Variants in TSHZ3 observed in about 807,000 individuals in gnomAD.
TSHZ3 encodes the protein teashirt zinc finger homeobox 3, also known as teashirt homolog 3.
Under a neutral mutation model 64.5 loss-of-function variants are expected in TSHZ3, and 10 were observed. That is an observed-to-expected ratio of 0.16 (90% CI 0.10 to 0.26). TSHZ3 has a LOEUF of 0.26. TSHZ3 is among the 10% of genes least tolerant of loss of function. TSHZ3 has a pLI of 1.00. For synonymous variants in TSHZ3, 608 were observed against 593.1 expected (o/e 1.03, Z -0.36); for missense variants, 1,242 against 1,421.7 (o/e 0.87, Z 2.03).
intron 1 of TSHZ3, among the ~76,000 whole-genome samples, chr19:31,260,572 C>T (rs913236596): frequency 6.6e-6 from 1 of 152,200 alleles, no homozygotes; most frequent in Non-Finnish European, 1.5e-5. Flanking sequence ...AACATGTACT[C>T]ATTTCCAGGT....
At chr19:31,191,488 C>T (rs865895232) in intron 5 of TSHZ3, among the ~76,000 whole-genome samples, 26 of 152,162 alleles carry the variant, frequency 1.7e-4, no homozygotes, top group Admixed American at 1.6e-3. Context: ...TTTCATCAGG[C>T]TTCCCTTTTG....
chr19:31,171,684 T>G (rs1250365251), intron 5 of TSHZ3, among the ~76,000 whole-genome samples: 1 of 152,146 alleles, frequency 6.6e-6, no homozygotes, highest in East Asian at 1.9e-4. Flanking sequence ...TATAATGGCC[T>G]ATAAAAGGTA....
intron 5 of TSHZ3, among the ~76,000 whole-genome samples, chr19:31,162,925 T>G (rs772024360): frequency 3.9e-5 from 6 of 152,168 alleles, no homozygotes; most frequent in Admixed American, 2.0e-4. Flanking sequence ...TCTCAGGTCC[T>G]GTGCTACAGC....
intron 1 of TSHZ3, among the ~76,000 whole-genome samples, chr19:31,347,360 TAG>T (rs1185167706): frequency 6.6e-6 from 1 of 151,850 alleles, no homozygotes; most frequent in Admixed American, 6.6e-5. Flanking sequence ...AGAGATGAAC[TAG>T]AGAGAGAGTT....
intron 1 of TSHZ3, among the ~76,000 whole-genome samples, chr19:31,338,153 T>TG (rs1441585506): frequency 6.6e-5 from 10 of 152,296 alleles, no homozygotes; most frequent in Admixed American, 6.5e-4. Flanking sequence ...CAAGGCCTCT[T>TG]GCAGCAGAAG....
intron 1 of TSHZ3, among the ~76,000 whole-genome samples, chr19:31,255,490 C>T (rs960293523): frequency 3.8e-4 from 58 of 152,270 alleles, no homozygotes; most frequent in African/African-American, 1.3e-3. Context: ...CAAATCACTG[C>T]GCTTACCACC....
chr19:31,243,027 A>T (rs1975715487), intron 1 of TSHZ3, among the ~76,000 whole-genome samples: 1 of 152,188 alleles, frequency 6.6e-6, no homozygotes, highest in Non-Finnish European at 1.5e-5. Context: ...AAATACACTC[A>T]CAGATGCACC....
At position 31,278,042 on chromosome 19, in the gene TSHZ3, G is replaced by T; in HGVS notation, c.1751C>A (p.Ser584Tyr). 1 of 1,613,272 alleles carries T rather than the reference G, an allele frequency of 6.2e-7. No individual in the cohort carries two copies. The highest frequency in any genetic ancestry group is 8.5e-7 in the Non-Finnish European group (1 of 1,179,268). The change falls in exon 2 of 2, where the codon TCC (serine) becomes TAC (tyrosine). Residue 584 changes from serine to tyrosine, a missense_variant. This residue lies in a region of TSHZ3 where 550 missense variants were observed against 545.1 expected (regional missense o/e 1.01). Transcript: ENST00000240587. The surrounding 1 kb of genome is among the most constrained non-coding windows in gnomAD (Gnocchi z 4.7). ...GACCAGGGTCTGGTTTTTCGTCGGG[G>T]AGACAATCTCACTGTTGCCAAACAT... is the stretch of plus-strand genomic sequence containing the variant. ...KPMFGNSEIV[S>Y]PTKNQTLVSP... is the part of the protein sequence containing the mutation.
intron 1 of TSHZ3, among the ~76,000 whole-genome samples, chr19:31,260,762 C>A (rs1399969695): frequency 6.6e-6 from 1 of 152,118 alleles, no homozygotes; most frequent in Admixed American, 6.5e-5. Context: ...AACATTTTGT[C>A]CCAGTTAGAG....
At chr19:31,340,515 G>A (rs1330611714) in intron 1 of TSHZ3, among the ~76,000 whole-genome samples, 1 of 151,778 alleles carries the variant, frequency 6.6e-6, no homozygotes, top group Non-Finnish European at 1.5e-5. Context: ...GAGGGAAGGG[G>A]TGGGCGGCGG....
chr19:31,249,512 C>T (rs990574224), intron 1 of TSHZ3, among the ~76,000 whole-genome samples: 5 of 151,510 alleles, frequency 3.3e-5, no homozygotes, highest in East Asian at 1.9e-4. Flanking sequence ...CACACACATG[C>T]GCGCCCGCAC....
chr19:31,308,701 TG>T (rs1916367249), intron 1 of TSHZ3: 1 of 398,594 alleles, frequency 2.5e-6, no homozygotes, highest in African/African-American at 2.1e-5. Flanking sequence ...ACCCAATTGA[TG>T]CTCTTGTCTG....
chr19:31,263,555 T>A (rs984617376), intron 1 of TSHZ3, among the ~76,000 whole-genome samples: 2 of 152,172 alleles, frequency 1.3e-5, no homozygotes, highest in Non-Finnish European at 2.9e-5. Context: ...CTGTGGCAAG[T>A]GGGGGACTTA....
chr19:31,196,255 T>C (rs1351678155), intron 5 of TSHZ3, among the ~76,000 whole-genome samples: 3 of 151,960 alleles, frequency 2.0e-5, no homozygotes, highest in Admixed American at 2.0e-4. Context: ...AAAGTGGACT[T>C]GGATTAGTTG....
At chr19:31,164,874 C>A (rs1568334232) in intron 5 of TSHZ3, among the ~76,000 whole-genome samples, 1 of 152,192 alleles carries the variant, frequency 6.6e-6, no homozygotes, top group Non-Finnish European at 1.5e-5. Context: ...TATGAAGTGG[C>A]CGATTGGACC....
At chr19:31,153,099 A>T (rs1443628151) in intron 6 of TSHZ3, among the ~76,000 whole-genome samples, 1 of 152,098 alleles carries the variant, frequency 6.6e-6, no homozygotes. Flanking sequence ...TGGATCAGGA[A>T]CTCTGGTTAG....
At chr19:31,293,440 T>C in intron 1 of TSHZ3, among the ~76,000 whole-genome samples, 1 of 152,216 alleles carries the variant, frequency 6.6e-6, no homozygotes, top group East Asian at 1.9e-4. Flanking sequence ...GAGATGCTAG[T>C]CTTCCCTGAT....
intron 1 of TSHZ3, among the ~76,000 whole-genome samples, chr19:31,288,343 C>G (rs372749932): frequency 4.6e-5 from 7 of 152,170 alleles, no homozygotes; most frequent in Admixed American, 6.5e-5. Context: ...CTCTTCTCTG[C>G]TGCAGAATGT....
chr19:31,304,088 C>T (rs2145146340), intron 1 of TSHZ3, among the ~76,000 whole-genome samples: 1 of 152,118 alleles, frequency 6.6e-6, no homozygotes, highest in South Asian at 2.1e-4. Flanking sequence ...GATTGTTTTG[C>T]CTCAGCCTCC....
Sources: allele counts gnomAD v4.1 joint callset (sites outside exome capture counted in the v4.1 genomes callset), GRCh38; gene constraint gnomAD v4.1.1; regional missense constraint gnomAD v4.1.1; non-coding constraint Gnocchi (gnomAD v3.1); transcripts MANE v1.5; gene names NCBI Gene and HGNC (gene_info 2026-07-23, HGNC 2026-07-21).